Variants in ABHD5 observed in about 807,000 individuals in gnomAD.
ABHD5 encodes the protein 1-acylglycerol-3-phosphate O-acyltransferase ABHD5.
Under a neutral mutation model 44.9 loss-of-function variants are expected in ABHD5, and 30 were observed. The ratio of observed to expected loss-of-function variants is 0.67; its 90% CI spans 0.50 to 0.91. The LOEUF is 0.91. Among genes scored for constraint, ABHD5 ranks in the 40% least tolerant of loss-of-function variants. The pLI, the probability that ABHD5 is intolerant of heterozygous loss-of-function variation, is 0.00. For synonymous variants in ABHD5, 167 were observed against 147.0 expected (o/e 1.14, Z -0.99); for missense variants, 399 against 423.4 (o/e 0.94, Z 0.50).
intron 1 of ABHD5, among the ~76,000 whole-genome samples, chr3:43,698,962 C>T (rs570605249): frequency 1.3e-5 from 2 of 152,268 alleles, no homozygotes; most frequent in South Asian, 2.1e-4. Context: ...GGCTGTCTTG[C>T]AGTGGGGAGG....
intron 2 of ABHD5, 181 bp downstream of exon 2, chr3:43,699,542 T>A: frequency 1.6e-6 from 1 of 639,066 alleles, no homozygotes; most frequent in Admixed American, 2.6e-5. Context: ...AGGTAGGAGT[T>A]CTAAAACTTT....
intron 3 of ABHD5, among the ~76,000 whole-genome samples, chr3:43,709,726 C>T (rs1376378743): frequency 6.6e-6 from 1 of 152,108 alleles, no homozygotes; most frequent in Non-Finnish European, 1.5e-5. Context: ...TTCCCCTACC[C>T]CAGATCTTAT....
chr3:43,692,217 G>A (rs1263451461), intron 1 of ABHD5, among the ~76,000 whole-genome samples: 4 of 152,230 alleles, frequency 2.6e-5, no homozygotes, highest in Non-Finnish European at 5.9e-5. Context: ...TTGGAAAGAT[G>A]TCATGGGGAA....
chr3:43,707,276 A>G (rs565975808), intron 3 of ABHD5, among the ~76,000 whole-genome samples: 113 of 152,360 alleles, frequency 7.4e-4, no homozygotes, highest in African/African-American at 2.6e-3. Flanking sequence ...TTAGATTAGA[A>G]TAAGTTTTCA....
chr3:43,708,528 A>G (rs1306240111), intron 3 of ABHD5, among the ~76,000 whole-genome samples: 6 of 152,152 alleles, frequency 3.9e-5, no homozygotes, highest in Non-Finnish European at 5.9e-5. Flanking sequence ...CTGTCTTTCC[A>G]TGTTCCCGGG....
At chr3:43,692,701 A>G (rs541733191) in intron 1 of ABHD5, among the ~76,000 whole-genome samples, 7 of 152,276 alleles carry the variant, frequency 4.6e-5, no homozygotes, top group African/African-American at 1.7e-4. Flanking sequence ...TGAAACTGCC[A>G]CTGTAAAGGC....
At chr3:43,690,909 T>A (rs2084357306), upstream of ABHD5, 8 of 1,446,700 alleles carry the variant, frequency 5.5e-6, no homozygotes, top group Admixed American at 1.7e-4. Context: ...CTGCGCCGCC[T>A]TAAGTGCCGC....
chr3:43,731,087 C>T (rs1410776430), intron 7 of ABHD5, among the ~76,000 whole-genome samples: 1 of 152,124 alleles, frequency 6.6e-6, no homozygotes, highest in Admixed American at 6.5e-5. Context: ...CTCGGCCTCC[C>T]AAAGTGCTGG....
At chr3:43,710,520 C>T (rs567003341) in intron 3 of ABHD5, among the ~76,000 whole-genome samples, 72 of 152,278 alleles carry the variant, frequency 4.7e-4, no homozygotes, top group Admixed American at 2.0e-3. Flanking sequence ...TCCTTCTTAT[C>T]TAAGATGATT....
At chr3:43,728,725 C>G (rs2149612315) in intron 7 of ABHD5, among the ~76,000 whole-genome samples, 1 of 152,274 alleles carries the variant, frequency 6.6e-6, no homozygotes, top group East Asian at 1.9e-4. Context: ...AATCAGGTAT[C>G]ACACACATAC....
Position 43,711,692 on chromosome 3 carries a change from A to G in ABHD5, c.507-17A>G, listed in dbSNP as rs575936000. ...GATTTTACCAAATGAACTTAAATATATTCTTTCCCCCAACAGGGTTAATCA... is the reference window on the plus strand; with the variant it reads ...GATTTTACCAAATGAACTTAAATATGTTCTTTCCCCCAACAGGGTTAATCA... On this transcript the variant is annotated splice_polypyrimidine_tract_variant and intron_variant, in intron 3 of 6. Coordinates refer to ENST00000644371, the MANE Select transcript of ABHD5 (RefSeq NM_016006.6). 1 of 1,614,002 alleles carries G rather than the reference A, an allele frequency of 6.2e-7. No homozygotes were observed. The highest frequency in any genetic ancestry group is 1.7e-5 in the Admixed American group (1 of 60,026).
At chr3:43,694,737 G>A (rs573730609) in intron 1 of ABHD5, among the ~76,000 whole-genome samples, 3 of 152,142 alleles carry the variant, frequency 2.0e-5, no homozygotes, top group African/African-American at 7.2e-5. Context: ...AGTTAAAACA[G>A]TATTAATTAA....
At chr3:43,699,036 A>T (rs1303962320) in intron 1 of ABHD5, among the ~76,000 whole-genome samples, 1 of 152,152 alleles carries the variant, frequency 6.6e-6, no homozygotes, top group African/African-American at 2.4e-5. Context: ...TTGGAATCTG[A>T]CTATCCATGA....
intron 1 of ABHD5, among the ~76,000 whole-genome samples, chr3:43,695,967 G>A (rs7610406): frequency 0.086 from 13,146 of 152,252 alleles, 791 homozygotes; most frequent in South Asian, 0.21. Flanking sequence ...TACAATGGTT[G>A]TAAAACAAGA....
chr3:43,713,322 C>CAAAAAA (rs78532050), intron 4 of ABHD5, among the ~76,000 whole-genome samples: 1 of 46,898 alleles, frequency 2.1e-5, no homozygotes, highest in Non-Finnish European at 4.5e-5. Flanking sequence ...GACCCTGTCT[C>CAAAAAA]AAAAAAAAAA....
At chr3:43,704,037 T>A (rs540547129) in intron 3 of ABHD5, among the ~76,000 whole-genome samples, 2 of 131,020 alleles carry the variant, frequency 1.5e-5, no homozygotes, top group Admixed American at 1.5e-4. Context: ...TATTTTCTTT[T>A]TTTTTTTTTT....
intron 3 of ABHD5, among the ~76,000 whole-genome samples, chr3:43,706,149 A>T (rs2084615653): frequency 6.6e-6 from 1 of 152,156 alleles, no homozygotes; most frequent in Non-Finnish European, 1.5e-5. Flanking sequence ...TGTTTCACCT[A>T]AGCTGGAGAA....
intron 3 of ABHD5, among the ~76,000 whole-genome samples, chr3:43,706,066 G>A (rs946884287): frequency 7.9e-5 from 12 of 152,112 alleles, no homozygotes; most frequent in African/African-American, 2.9e-4. Context: ...TTAGTGTTTG[G>A]TGTGTCTTGA....
At chr3:43,691,261 G>A (rs2084373926) in intron 1 of ABHD5, 1 of 395,320 alleles carries the variant, frequency 2.5e-6, no homozygotes. Flanking sequence ...CGAGGTGTCT[G>A]AGCCGGACTC....
Sources: gnomAD v4.1 joint callset for allele counts (sites outside exome capture counted in the v4.1 genomes callset) on GRCh38, gnomAD v4.1.1 for gene constraint, MANE v1.5 for transcripts, NCBI Gene and HGNC (gene_info 2026-07-23, HGNC 2026-07-21) for gene names.